The following GSE1 variants were observed in gnomAD, a reference collection of about 807,000 sequenced individuals.
GSE1 encodes the protein genetic suppressor element 1.
Under a neutral mutation model 112.6 loss-of-function variants are expected in GSE1, and 32 were observed. The ratio of observed to expected loss-of-function variants is 0.28; its 90% confidence interval spans 0.21 to 0.38. The LOEUF (loss-of-function observed/expected upper bound fraction) is 0.38. Ranked by LOEUF, GSE1 falls within the 10% of genes least tolerant of loss-of-function variation. GSE1 has a pLI of 1.00. For missense variants in GSE1, 2,348 were observed against 1,699.2 expected (o/e 1.38, Z -6.71); for synonymous variants, 1,115 against 735.6 (o/e 1.52, Z -8.35).
At chr16:85,212,988 C>T (rs2075250576) in intron 1 of GSE1, among the ~76,000 whole-genome samples, 1 of 152,052 alleles carries the variant, frequency 6.6e-6, no homozygotes, top group Non-Finnish European at 1.5e-5. Flanking sequence ...GTTAGCCAGG[C>T]TGCCGGATGT....
chr16:85,388,639 T>TGTGG (rs1211602600), intron 2 of GSE1, among the ~76,000 whole-genome samples: 2 of 104,098 alleles, frequency 1.9e-5, no homozygotes, highest in East Asian at 3.0e-4. Flanking sequence ...TACATAGGTG[T>TGTGG]GTGGGTGGAT....
intron 1 of GSE1, among the ~76,000 whole-genome samples, chr16:85,587,011 G>A (rs2046730554): frequency 6.6e-6 from 1 of 152,220 alleles, no homozygotes; most frequent in Non-Finnish European, 1.5e-5. Flanking sequence ...TTCCTTGCTA[G>A]GCTCGCATCA....
At chr16:85,528,739 C>A (rs945113967) in intron 2 of GSE1, among the ~76,000 whole-genome samples, 1 of 152,014 alleles carries the variant, frequency 6.6e-6, no homozygotes, top group African/African-American at 2.4e-5. Flanking sequence ...ACAGAAGAAA[C>A]CAAGGGTGGT....
intron 1 of GSE1, among the ~76,000 whole-genome samples, chr16:85,224,770 A>G (rs909313399): frequency 6.6e-6 from 1 of 151,806 alleles, no homozygotes; most frequent in Non-Finnish European, 1.5e-5. Context: ...TGGGCGGATC[A>G]TGAGGTCAGG....
intron 2 of GSE1, among the ~76,000 whole-genome samples, chr16:85,389,004 C>T (rs891514285): frequency 9.2e-5 from 14 of 152,154 alleles, no homozygotes; most frequent in Non-Finnish European, 1.8e-4. Context: ...AAATGTTCCA[C>T]GATGTTGAGG....
At chr16:85,363,580 C>T (rs527850341) in intron 2 of GSE1, among the ~76,000 whole-genome samples, 4 of 152,344 alleles carry the variant, frequency 2.6e-5, no homozygotes, top group African/African-American at 4.8e-5. Context: ...CCAGCATCCA[C>T]ACACAGCAGA....
At chr16:85,632,333 C>T (rs2049607058) in intron 1 of GSE1, among the ~76,000 whole-genome samples, 1 of 152,126 alleles carries the variant, frequency 6.6e-6, no homozygotes, top group South Asian at 2.1e-4. Context: ...GAACTCGTTC[C>T]CGCCTCTCTG....
chr16:85,594,232 T>TGGGGGGGGGGGGGGG, intron 1 of GSE1: 1 of 6,600 alleles, frequency 1.5e-4, no homozygotes, highest in East Asian at 4.9e-3. Context: ...CCCTGGGGGG[T>TGGGGGGGGGGGGGGG]TGGGGGGGGG....
chr16:85,178,932 C>T (rs376620470), intron 1 of GSE1, among the ~76,000 whole-genome samples: 8 of 152,022 alleles, frequency 5.3e-5, no homozygotes, highest in African/African-American at 1.7e-4. Flanking sequence ...GGCGGGGACC[C>T]GTCAGGTGGG....
At chr16:85,365,110 C>T (rs2047159868) in intron 2 of GSE1, among the ~76,000 whole-genome samples, 1 of 152,152 alleles carries the variant, frequency 6.6e-6, no homozygotes, top group Non-Finnish European at 1.5e-5. Flanking sequence ...GGTGGGAAGC[C>T]CCTTACTTCT....
chr16:85,469,956 G>C (rs1053334904), intron 2 of GSE1, among the ~76,000 whole-genome samples: 1 of 152,206 alleles, frequency 6.6e-6, no homozygotes, highest in Non-Finnish European at 1.5e-5. Context: ...CCTCACTGTG[G>C]TTCCCCGCAG....
chr16:85,265,530 G>A (rs147975126), intron 1 of GSE1, among the ~76,000 whole-genome samples: 41 of 152,188 alleles, frequency 2.7e-4, no homozygotes, highest in African/African-American at 8.7e-4. Context: ...CTCATAACTG[G>A]GCAGACCCCT....
At position 85,561,490 on chromosome 16, in the gene GSE1, C is replaced by T. The variant is rs1303923702; in HGVS notation, c.37+5127C>T. ...CCTCAGCCATCAGCTGACCCCACCCCAGCCCCACACTGAACTCTGGGTGAC... is the reference window on the plus strand; with the variant it reads ...CCTCAGCCATCAGCTGACCCCACCCTAGCCCCACACTGAACTCTGGGTGAC... On this transcript the variant is annotated intron_variant, in intron 1 of 2. Transcript: ENST00000635906. Among the ~76,000 whole-genome samples the T allele has an allele frequency of 2.0e-5, 3 of 152,150 alleles. No individual in the cohort carries two copies. In the East Asian group the frequency reaches 5.8e-4, roughly 29 times the overall value.
At position 85,654,744 on chromosome 16, in the gene GSE1, G is replaced by A. The variant is rs2051759676; in HGVS notation, c.600-50G>A. 3 of 1,118,606 alleles carry A rather than the reference G, an allele frequency of 2.7e-6. No individual in the cohort carries two copies. In the Admixed American group the frequency reaches 5.5e-5, roughly 21 times the overall value. The allele number at this position is 1,118,606 out of a possible 1,614,324, so 69.3% of individuals were successfully genotyped here. A position where few individuals can be genotyped will look rare whatever the true frequency, so the allele number is the denominator to read the frequency against. Reference sequence around the variant, plus strand: ...AGTTTAGCCGTCCCCCCATGCAGGAGCAGGTGTGCACTCACCTGTCCCCAC... The same window carrying A: ...AGTTTAGCCGTCCCCCCATGCAGGAACAGGTGTGCACTCACCTGTCCCCAC... On this transcript the variant is annotated intron_variant, in intron 4 of 15. Transcript: ENST00000253458.
intron 2 of GSE1, among the ~76,000 whole-genome samples, chr16:85,388,824 G>A (rs2047766995): frequency 6.6e-6 from 1 of 152,184 alleles, no homozygotes; most frequent in Admixed American, 6.5e-5. Flanking sequence ...GTGAAGAAGT[G>A]GGGCAGCTGG....
intron 2 of GSE1, among the ~76,000 whole-genome samples, chr16:85,501,008 T>TG (rs2051346374): frequency 3.0e-5 from 4 of 134,780 alleles, no homozygotes; most frequent in Admixed American, 2.9e-4. Flanking sequence ...GTTTTTTTTT[T>TG]TTTTTTTTTT....
At chr16:85,566,730 ACCT>A (rs1257372462) in intron 1 of GSE1, among the ~76,000 whole-genome samples, 5 of 151,756 alleles carry the variant, frequency 3.3e-5, no homozygotes, top group African/African-American at 1.2e-4. Context: ...TAGCTTTCAG[ACCT>A]CCTCGCTGGT....
At chr16:85,314,341 G>A (rs571016482) in intron 1 of GSE1, among the ~76,000 whole-genome samples, 2 of 152,166 alleles carry the variant, frequency 1.3e-5, no homozygotes, top group Admixed American at 6.5e-5. Flanking sequence ...TTGAGTCTGC[G>A]CTGGGTGCCT....
chr16:85,175,597 A>G (rs968136169), intron 1 of GSE1, among the ~76,000 whole-genome samples: 12 of 152,096 alleles, frequency 7.9e-5, no homozygotes, highest in Non-Finnish European at 1.6e-4. Context: ...TGCTGGCGCG[A>G]CGCTGGGTTT....
Sources: gnomAD v4.1 joint callset for allele counts (sites outside exome capture counted in the v4.1 genomes callset) on GRCh38, gnomAD v4.1.1 for gene constraint, MANE v1.5 for transcripts, NCBI Gene and HGNC (gene_info 2026-07-23, HGNC 2026-07-21) for gene names.